NHERF1: variants seen among roughly 807,000 people sequenced by gnomAD.
NHERF1 encodes the protein NHERF family PDZ scaffold protein 1.
the NHERF1 span, chr17:74,761,966 C>T: frequency 5.6e-6 from 9 of 1,606,078 alleles, no homozygotes; most frequent in Non-Finnish European, 7.7e-6. The surrounding 1 kb of genome is among the most constrained non-coding windows in gnomAD (Gnocchi z 4.3). Flanking sequence ...GAAGGCAGAA[C>T]CTGGGGCACT....
the NHERF1 span, among the ~76,000 whole-genome samples, chr17:74,761,427 G>A: frequency 6.6e-6 from 1 of 152,214 alleles, no homozygotes; most frequent in African/African-American, 2.4e-5. This position sits in a 1 kb window ranked among gnomAD's most constrained non-coding sequence, Gnocchi z 4.3. Flanking sequence ...CTCCCTTTTG[G>A]CTGGGCCATT....
chr17:74,761,361 G>T, the NHERF1 span, among the ~76,000 whole-genome samples: 1 of 152,224 alleles, frequency 6.6e-6, no homozygotes. This position sits in a 1 kb window ranked among gnomAD's most constrained non-coding sequence, Gnocchi z 4.3. Flanking sequence ...GCCCCGTCTT[G>T]TCCAGGTCCC....
chr17:74,749,113 G>A, the NHERF1 span: 865 of 1,579,034 alleles, frequency 5.5e-4, 5 homozygotes, highest in African/African-American at 9.9e-3. This position sits in a 1 kb window ranked among gnomAD's most constrained non-coding sequence, Gnocchi z 5.6. Flanking sequence ...TGCGCCTGCT[G>A]GTGGTCGACC....
At chr17:74,755,042 G>A in the NHERF1 span, among the ~76,000 whole-genome samples, 12 of 152,284 alleles carry the variant, frequency 7.9e-5, no homozygotes, top group South Asian at 2.1e-3. Flanking sequence ...CCCACACAGC[G>A]CAGGGGTGTG....
chr17:74,754,399 C>CTTTTTTTTTTTTTTTT, the NHERF1 span, among the ~76,000 whole-genome samples: 1 of 59,684 alleles, frequency 1.7e-5, no homozygotes, highest in Non-Finnish European at 4.0e-5. Context: ...TTCTTTCTTT[C>CTTTTTTTTTTTTTTTT]TTTTTTTTTT....
At chr17:74,764,814 C>T in the NHERF1 span, among the ~76,000 whole-genome samples, 1 of 152,222 alleles carries the variant, frequency 6.6e-6, no homozygotes, top group Non-Finnish European at 1.5e-5. This position sits in a 1 kb window ranked among gnomAD's most constrained non-coding sequence, Gnocchi z 4.9. Flanking sequence ...GAATGCCCCC[C>T]TCTCCGGCTG....
chr17:74,763,161 A>G, the NHERF1 span: 15 of 539,854 alleles, frequency 2.8e-5, no homozygotes, highest in African/African-American at 3.8e-5. Flanking sequence ...CTTCCCATGT[A>G]TCCTGCCTCC....
chr17:74,768,094 A>T, the NHERF1 span: 2 of 1,235,830 alleles, frequency 1.6e-6, no homozygotes, highest in Non-Finnish European at 2.4e-6. Context: ...CTCCCTCCTC[A>T]GGACCCCCTC....
At chr17:74,752,911 G>C in the NHERF1 span, among the ~76,000 whole-genome samples, 15 of 152,352 alleles carry the variant, frequency 9.8e-5, no homozygotes, top group African/African-American at 3.4e-4. Flanking sequence ...ATGGTAGGGA[G>C]GCTCTCAAAA....
At chr17:74,761,925 G>T in the NHERF1 span, 1 of 1,433,560 alleles carries the variant, frequency 7.0e-7, no homozygotes, top group Non-Finnish European at 9.8e-7. The surrounding 1 kb of genome is among the most constrained non-coding windows in gnomAD (Gnocchi z 4.3). Context: ...ACCTTCCTTG[G>T]TTGGGGAGAT....
At chr17:74,766,033 G>GTTCCCAGGTAGGAA in the NHERF1 span, among the ~76,000 whole-genome samples, 1 of 152,138 alleles carries the variant, frequency 6.6e-6, no homozygotes, top group Non-Finnish European at 1.5e-5. Context: ...CCACGTAGGA[G>GTTCCCAGGTAGGAA]TTCCCAGGTA....
At chr17:74,759,179 C>T in the NHERF1 span, among the ~76,000 whole-genome samples, 2 of 152,184 alleles carry the variant, frequency 1.3e-5, no homozygotes, top group Non-Finnish European at 2.9e-5. Context: ...CTTCCCATCT[C>T]CTTGTCCAGC....
At chr17:74,762,561 T>TTG in the NHERF1 span, among the ~76,000 whole-genome samples, 1 of 39,628 alleles carries the variant, frequency 2.5e-5, no homozygotes, top group Admixed American at 2.7e-4. The surrounding 1 kb of genome is among the most constrained non-coding windows in gnomAD (Gnocchi z 4.2). Flanking sequence ...ATTTATTTAG[T>TTG]TTTTTTTTTT....
At chr17:74,766,757 A>C in the NHERF1 span, among the ~76,000 whole-genome samples, 3 of 152,148 alleles carry the variant, frequency 2.0e-5, no homozygotes, top group Admixed American at 2.0e-4. Flanking sequence ...CTCTATAAAA[A>C]AAAAATTTTT....
the NHERF1 span, among the ~76,000 whole-genome samples, chr17:74,756,949 G>A: frequency 6.6e-6 from 1 of 152,276 alleles, no homozygotes; most frequent in African/African-American, 2.4e-5. Context: ...AACCCCTGGG[G>A]GTTAAATCTA....
At chr17:74,762,153 G>T in the NHERF1 span, 1 of 1,614,076 alleles carries the variant, frequency 6.2e-7, no homozygotes, top group Non-Finnish European at 8.5e-7. The surrounding 1 kb of genome is among the most constrained non-coding windows in gnomAD (Gnocchi z 4.2). Context: ...AGGGCTCCGG[G>T]CCCAGGATCG....
At chr17:74,756,528 C>T in the NHERF1 span, among the ~76,000 whole-genome samples, 3 of 152,216 alleles carry the variant, frequency 2.0e-5, no homozygotes, top group East Asian at 5.8e-4. Flanking sequence ...ATCCACCTGC[C>T]TTGGCCTCCC....
the NHERF1 span, chr17:74,749,372 C>T: frequency 1.6e-6 from 2 of 1,284,706 alleles, no homozygotes; most frequent in Non-Finnish European, 1.0e-6. This position sits in a 1 kb window ranked among gnomAD's most constrained non-coding sequence, Gnocchi z 5.6. Context: ...TCCAGCCCCG[C>T]GCCCGCCGTC....
chr17:74,750,358 C>G, the NHERF1 span, among the ~76,000 whole-genome samples: 5 of 152,190 alleles, frequency 3.3e-5, no homozygotes, highest in Non-Finnish European at 5.9e-5. Flanking sequence ...TCAGCTTGCA[C>G]CACCAGCTCT....
Sources: gnomAD v4.1 joint callset for allele counts (sites outside exome capture counted in the v4.1 genomes callset) on GRCh38, gnomAD v4.1.1 for gene constraint, Gnocchi (gnomAD v3.1) non-coding constraint, MANE v1.5 for transcripts, NCBI Gene and HGNC (gene_info 2026-07-23, HGNC 2026-07-21) for gene names.